Variants in AGBL4 observed in about 807,000 individuals in gnomAD.
The protein encoded by AGBL4 is AGBL carboxypeptidase 4, also known as cytosolic carboxypeptidase 6.
A neutral mutation model predicts 66.4 loss-of-function variants in AGBL4; 58 were observed. That is an observed-to-expected ratio of 0.87 (90% CI 0.71 to 1.09). AGBL4 has a LOEUF of 1.09. Among genes scored for constraint, AGBL4 ranks in the 50% least tolerant of loss-of-function variants. AGBL4 has a pLI of 0.00. For missense variants in AGBL4, 579 were observed against 631.0 expected, an observed-to-expected ratio of 0.92 and a Z score of 0.88; for synonymous variants, 234 against 222.9, an observed-to-expected ratio of 1.05 and a Z score of -0.44.
At chr1:49,825,003 T>C (rs1008333687) in intron 2 of AGBL4, among the ~76,000 whole-genome samples, 3 of 152,174 alleles carry the variant, frequency 2.0e-5, no homozygotes, top group African/African-American at 7.2e-5. Flanking sequence ...TCTCCACTCA[T>C]AATAGAGCCT....
chr1:50,004,538 A>G (rs1221684488), intron 1 of AGBL4, among the ~76,000 whole-genome samples: 1 of 152,176 alleles, frequency 6.6e-6, no homozygotes, highest in Admixed American at 6.5e-5. Context: ...AGGAGAAGGA[A>G]GGCTCAAGAG....
chr1:49,064,640 T>C (rs372925112), intron 4 of AGBL4, among the ~76,000 whole-genome samples: 7 of 152,322 alleles, frequency 4.6e-5, no homozygotes, highest in South Asian at 4.1e-4. Flanking sequence ...ATTAAAGAAA[T>C]TGTATCTTAA....
chr1:48,996,302 T>C (rs2148984959), intron 5 of AGBL4, among the ~76,000 whole-genome samples: 1 of 152,314 alleles, frequency 6.6e-6, no homozygotes, highest in Non-Finnish European at 1.5e-5. Context: ...CATTAGCATA[T>C]AGTTGACATT....
intron 3 of AGBL4, among the ~76,000 whole-genome samples, chr1:49,656,321 C>T (rs191792122): frequency 3.0e-3 from 455 of 152,272 alleles, no homozygotes; most frequent in Non-Finnish European, 4.9e-3. Flanking sequence ...AGTTGAATCT[C>T]TTAAAAGACC....
At chr1:49,577,017 A>G (rs931772641) in intron 3 of AGBL4, among the ~76,000 whole-genome samples, 2 of 152,218 alleles carry the variant, frequency 1.3e-5, no homozygotes, top group East Asian at 3.9e-4. Flanking sequence ...CAGATGTGTG[A>G]TTATATACTG....
At chr1:48,748,787 G>A (rs1012415973) in intron 6 of AGBL4, among the ~76,000 whole-genome samples, 2 of 152,146 alleles carry the variant, frequency 1.3e-5, no homozygotes, top group Non-Finnish European at 2.9e-5. Flanking sequence ...GGGCTTTGAT[G>A]GATGCGCGAC....
chr1:49,601,072 T>C (rs888296309), intron 3 of AGBL4, among the ~76,000 whole-genome samples: 1 of 152,122 alleles, frequency 6.6e-6, no homozygotes, highest in Non-Finnish European at 1.5e-5. Flanking sequence ...TTTTTCCTTC[T>C]TTTCAACCTT....
chr1:48,647,620 C>T, intron 8 of AGBL4: 1 of 453,022 alleles, frequency 2.2e-6, no homozygotes, highest in South Asian at 1.6e-5. Flanking sequence ...TTAAGAAATG[C>T]AAACCCAACA....
intron 6 of AGBL4, among the ~76,000 whole-genome samples, chr1:48,740,166 A>G (rs1649687440): frequency 6.6e-6 from 1 of 152,242 alleles, no homozygotes; most frequent in African/African-American, 2.4e-5. Context: ...ACACAGAAAG[A>G]AATGGGCTTT....
At position 49,935,223 on chromosome 1, in the gene AGBL4, G is replaced by A. The variant is rs537149857; in HGVS notation, c.35-83705C>T. Among the ~76,000 whole-genome samples, 438 of 152,314 alleles carry A rather than the reference G, an allele frequency of 2.9e-3. 2 individuals are homozygous for A. The highest frequency in any genetic ancestry group is 4.7e-3 in the Non-Finnish European group (321 of 68,022). ...GAGGGTCCTACACCCACAGAGTCTC[G>A]CTGATTGCTAGCACAGCAGTCTGAG... On this transcript the variant is annotated intron_variant, in intron 1 of 13. Transcript: ENST00000371839.
At chr1:49,439,157 C>G (rs970149223) in intron 3 of AGBL4, among the ~76,000 whole-genome samples, 4 of 152,142 alleles carry the variant, frequency 2.6e-5, no homozygotes, top group African/African-American at 4.8e-5. Context: ...CAAGTCTATG[C>G]TTGATAGATC....
At chr1:49,266,610 C>CACAG (rs1327725772) in intron 3 of AGBL4, among the ~76,000 whole-genome samples, 1 of 150,444 alleles carries the variant, frequency 6.6e-6, no homozygotes, top group Non-Finnish European at 1.5e-5. Flanking sequence ...AAACCTGTAA[C>CACAG]ACACACACAC....
At position 48,842,979 on chromosome 1, in the gene AGBL4, A is replaced by G. The variant is rs530730282; in HGVS notation, c.634+24212T>C. The stretch of plus-strand genomic sequence containing the variant: ...AGATATTTACAGTAGTCAAATTCAT[A>G]GACACAGAAAGTAGAATGGTGGTTA... On this transcript the variant is annotated intron_variant, in intron 6 of 13. Coordinates refer to ENST00000371839, the MANE Select transcript of AGBL4 (RefSeq NM_032785.4). Among the ~76,000 whole-genome samples, 7 of 152,310 alleles carry G rather than the reference A, an allele frequency of 4.6e-5. No individual in the cohort carries two copies. In the East Asian group the frequency reaches 1.2e-3, roughly 25 times the overall value.
At chr1:48,547,341 A>G (rs1644180690) in intron 11 of AGBL4, among the ~76,000 whole-genome samples, 1 of 152,174 alleles carries the variant, frequency 6.6e-6, no homozygotes, top group Admixed American at 6.5e-5. Context: ...GAGGCAGTAG[A>G]GATGGGAAGA....
At chr1:48,561,637 T>C (rs1451356939) in intron 11 of AGBL4, among the ~76,000 whole-genome samples, 3 of 152,208 alleles carry the variant, frequency 2.0e-5, no homozygotes, top group East Asian at 1.9e-4. Flanking sequence ...CTGATATGGG[T>C]GGGCCTCATC....
intron 5 of AGBL4, among the ~76,000 whole-genome samples, chr1:49,032,686 T>C (rs1038498286): frequency 1.3e-5 from 2 of 152,130 alleles, no homozygotes; most frequent in Admixed American, 6.6e-5. Context: ...TCATATGTTG[T>C]AACCCTTGGC....
At chr1:48,880,345 G>A (rs956396644) in intron 5 of AGBL4, among the ~76,000 whole-genome samples, 4 of 152,072 alleles carry the variant, frequency 2.6e-5, no homozygotes, top group Admixed American at 1.3e-4. Flanking sequence ...ATATATACCA[G>A]TTTCTTTATC....
intron 6 of AGBL4, among the ~76,000 whole-genome samples, chr1:48,853,636 AAG>A (rs1021808266): frequency 1.3e-5 from 2 of 152,194 alleles, no homozygotes; most frequent in Non-Finnish European, 2.9e-5. Context: ...CTGAAAGCAG[AAG>A]AGAGAGGATT....
intron 2 of AGBL4, among the ~76,000 whole-genome samples, chr1:49,709,086 T>A (rs1263582370): frequency 2.6e-5 from 4 of 152,212 alleles, no homozygotes; most frequent in Non-Finnish European, 5.9e-5. Context: ...TCAAGTGCTG[T>A]GCTGGGAGAT....
Sources: gnomAD v4.1 joint callset for allele counts (sites outside exome capture counted in the v4.1 genomes callset) on GRCh38, gnomAD v4.1.1 for gene constraint, MANE v1.5 for transcripts, NCBI Gene and HGNC (gene_info 2026-07-23, HGNC 2026-07-21) for gene names.